Variants in CYRIA observed in about 807,000 individuals in gnomAD.
CYRIA encodes the protein CYFIP related Rac1 interactor A.
Under a neutral mutation model 43.9 loss-of-function variants are expected in CYRIA, and 15 were observed. The ratio of observed to expected loss-of-function variants is 0.34; its 90% confidence interval spans 0.23 to 0.53. The LOEUF (loss-of-function observed/expected upper bound fraction) is 0.53, where lower values mean the gene tolerates loss of function less well. Ranked by LOEUF, CYRIA falls within the 20% of genes least tolerant of loss-of-function variation. The pLI is 0.94. For missense variants in CYRIA, 236 were observed against 394.2 expected, an observed-to-expected ratio of 0.60 and a Z score of 3.40; for synonymous variants, 117 against 136.0, an observed-to-expected ratio of 0.86 and a Z score of 0.97.
At chr2:16,628,398 G>A (rs1558434091) in intron 1 of CYRIA, among the ~76,000 whole-genome samples, 1 of 152,166 alleles carries the variant, frequency 6.6e-6, no homozygotes, top group Non-Finnish European at 1.5e-5. Flanking sequence ...CCTCAAAGCC[G>A]TGTGTGCTGT....
intron 3 of CYRIA, among the ~76,000 whole-genome samples, chr2:16,573,685 T>C (rs1239800545): frequency 6.6e-6 from 1 of 152,162 alleles, no homozygotes; most frequent in Non-Finnish European, 1.5e-5. Flanking sequence ...TGAGATCTGA[T>C]GGTTTTATAA....
At chr2:16,573,720 C>A (rs1025210541) in intron 3 of CYRIA, among the ~76,000 whole-genome samples, 2 of 152,196 alleles carry the variant, frequency 1.3e-5, no homozygotes, top group Non-Finnish European at 2.9e-5. Context: ...GCACAACTCT[C>A]TCTCTTTGTC....
intron 2 of CYRIA, among the ~76,000 whole-genome samples, chr2:16,600,033 G>A (rs1668148656): frequency 6.6e-6 from 1 of 152,218 alleles, no homozygotes; most frequent in Non-Finnish European, 1.5e-5. Context: ...TGGGATTACA[G>A]GCGTGAGCCA....
chr2:16,575,490 C>A (rs1477926716), intron 3 of CYRIA, among the ~76,000 whole-genome samples: 1 of 152,114 alleles, frequency 6.6e-6, no homozygotes, highest in Non-Finnish European at 1.5e-5. Flanking sequence ...GTAACTAAAT[C>A]ATGGGGGTAA....
intron 2 of CYRIA, among the ~76,000 whole-genome samples, chr2:16,608,133 T>C (rs1393640556): frequency 6.6e-6 from 1 of 152,104 alleles, no homozygotes; most frequent in Non-Finnish European, 1.5e-5. Flanking sequence ...GCATTATTCA[T>C]TTATGGCCAC....
At chr2:16,593,869 C>G (rs1668022278) in intron 2 of CYRIA, among the ~76,000 whole-genome samples, 1 of 147,712 alleles carries the variant, frequency 6.8e-6, no homozygotes, top group Non-Finnish European at 1.5e-5. Flanking sequence ...AATGCTATCC[C>G]TCCCCCCGAC....
At chr2:16,572,954 C>T (rs1403901983) in intron 3 of CYRIA, among the ~76,000 whole-genome samples, 1 of 152,164 alleles carries the variant, frequency 6.6e-6, no homozygotes, top group Admixed American at 6.5e-5. Context: ...ATCTTATCTC[C>T]TCAACAAAAT....
At chr2:16,585,885 T>C (rs1158674441) in intron 3 of CYRIA, among the ~76,000 whole-genome samples, 3 of 152,140 alleles carry the variant, frequency 2.0e-5, no homozygotes, top group African/African-American at 7.2e-5. Context: ...GAATACCAGT[T>C]GAAAACCAGT....
At chr2:16,554,531 T>G (rs1355246294) in intron 11 of CYRIA, among the ~76,000 whole-genome samples, 1 of 152,164 alleles carries the variant, frequency 6.6e-6, no homozygotes, top group Non-Finnish European at 1.5e-5. Context: ...GCTGCACATG[T>G]GAACCACCTG....
intron 5 of CYRIA, 142 bp from the exon 6 acceptor site, chr2:16,562,283 T>C (rs1279213639): frequency 3.3e-6 from 3 of 904,118 alleles, no homozygotes; most frequent in African/African-American, 3.5e-5. Flanking sequence ...GTGCTGCATG[T>C]GGACGAGGAA....
intron 3 of CYRIA, among the ~76,000 whole-genome samples, chr2:16,573,826 C>T (rs565673564): frequency 6.2e-4 from 94 of 152,318 alleles, no homozygotes; most frequent in African/African-American, 2.1e-3. Context: ...TCCATTAAAC[C>T]TCTTTCTTTT....
At position 16,583,284 on chromosome 2, in the gene CYRIA, C is replaced by T. The variant is rs77153603; in HGVS notation, c.70+4766G>A. Among the ~76,000 whole-genome samples the T allele has an allele frequency of 9.4e-3, 1,434 of 152,294 alleles. 19 individuals carry two copies. Among genetic ancestry groups the T allele is most frequent in the African/African-American group, 0.033 (1,362 of 41,558 alleles). On this transcript the variant is annotated intron_variant, in intron 3 of 11. Coordinates refer to ENST00000381323, the MANE Select transcript of CYRIA (RefSeq NM_030797.4). The stretch of plus-strand genomic sequence containing the variant: ...TGAATCTACCTGAACCTCTACCTAA[C>T]TTGGAGATCTTCCACTCCAAACTTT...
At chr2:16,590,403 A>G (rs939828269) in intron 2 of CYRIA, among the ~76,000 whole-genome samples, 1 of 152,180 alleles carries the variant, frequency 6.6e-6, no homozygotes, top group East Asian at 1.9e-4. Flanking sequence ...TTGTAGGAGT[A>G]CTGACTTTCA....
intron 3 of CYRIA, among the ~76,000 whole-genome samples, chr2:16,578,311 A>C (rs1180644898): frequency 6.6e-6 from 1 of 152,232 alleles, no homozygotes; most frequent in Non-Finnish European, 1.5e-5. Flanking sequence ...CACATCAGTC[A>C]TCACTGTTCT....
chr2:16,639,670 G>C (rs941924624), intron 1 of CYRIA, among the ~76,000 whole-genome samples: 1 of 152,246 alleles, frequency 6.6e-6, no homozygotes, highest in African/African-American at 2.4e-5. Context: ...ATCTCAGGAA[G>C]ACTGCAGTGA....
At chr2:16,614,741 G>A (rs745967598) in intron 2 of CYRIA, among the ~76,000 whole-genome samples, 5 of 152,328 alleles carry the variant, frequency 3.3e-5, no homozygotes, top group Admixed American at 1.3e-4. Flanking sequence ...ACACTGAGAC[G>A]GAGCGTAGAG....
intron 2 of CYRIA, among the ~76,000 whole-genome samples, chr2:16,616,019 G>C (rs1349865586): frequency 1.3e-5 from 2 of 152,216 alleles, no homozygotes; most frequent in African/African-American, 4.8e-5. Context: ...CAGAAGGACA[G>C]AGCAATCCTG....
intron 1 of CYRIA, among the ~76,000 whole-genome samples, chr2:16,664,915 T>C (rs749229152): frequency 5.9e-5 from 9 of 152,008 alleles, no homozygotes; most frequent in Non-Finnish European, 1.2e-4. Flanking sequence ...GCTCCATCAG[T>C]TCTGGACCTG....
chr2:16,574,309 G>C (rs1220621721), intron 3 of CYRIA, among the ~76,000 whole-genome samples: 1 of 152,168 alleles, frequency 6.6e-6, no homozygotes, highest in Non-Finnish European at 1.5e-5. Context: ...AGCTGCTAAA[G>C]ACATTCAGTT....
Sources: gnomAD v4.1 joint callset for allele counts (sites outside exome capture counted in the v4.1 genomes callset) on GRCh38, gnomAD v4.1.1 for gene constraint, MANE v1.5 for transcripts, NCBI Gene and HGNC (gene_info 2026-07-23, HGNC 2026-07-21) for gene names.